Variants in RUBCN observed in about 807,000 individuals in gnomAD.
RUBCN encodes rubicon autophagy regulator.
Under a neutral mutation model 113.2 loss-of-function variants are expected in RUBCN, and 74 were observed. That is an observed-to-expected ratio of 0.65 (90% CI 0.54 to 0.79). The LOEUF (loss-of-function observed/expected upper bound fraction) is 0.79, where lower values mean the gene tolerates loss of function less well. Ranked by LOEUF, RUBCN falls within the 30% of genes least tolerant of loss-of-function variation. The pLI, the probability that RUBCN is intolerant of heterozygous loss-of-function variation, is 0.00. For missense variants in RUBCN, 1,109 were observed against 1,251.7 expected, an observed-to-expected ratio of 0.89 and a Z score of 1.72; for synonymous variants, 480 against 490.0, an observed-to-expected ratio of 0.98 and a Z score of 0.27.
At chr3:197,721,572 A>T (rs983683823) in intron 1 of RUBCN, among the ~76,000 whole-genome samples, 9 of 151,486 alleles carry the variant, frequency 5.9e-5, no homozygotes, top group East Asian at 3.9e-4. Flanking sequence ...TTATATATAT[A>T]TTTTTTCATT....
chr3:197,698,607 G>C (rs1723270739), intron 7 of RUBCN, among the ~76,000 whole-genome samples: 1 of 151,998 alleles, frequency 6.6e-6, no homozygotes, highest in Non-Finnish European at 1.5e-5. Context: ...AACCAAACAT[G>C]CAAGTATATC....
chr3:197,745,901 G>A (rs1024708722), intron 1 of RUBCN, among the ~76,000 whole-genome samples: 27 of 152,044 alleles, frequency 1.8e-4, no homozygotes, highest in Non-Finnish European at 3.5e-4. Context: ...GCTGGGCGTG[G>A]TGCCATGCAC....
At chr3:197,682,396 G>A in intron 14 of RUBCN, 74 bp downstream of exon 14, 1 of 1,560,642 alleles carries the variant, frequency 6.4e-7, no homozygotes, top group East Asian at 2.3e-5. Flanking sequence ...AGGGACAAGT[G>A]GGTGAGACGA....
intron 2 of RUBCN, among the ~76,000 whole-genome samples, chr3:197,711,684 T>TA (rs945353534): frequency 1.5e-4 from 23 of 148,972 alleles, no homozygotes; most frequent in South Asian, 2.1e-4. Context: ...AATTTTTAAT[T>TA]AAAAAAAAAA....
rs756581383 is a variant in RUBCN, at chr3:197,684,140, TA to T, written c.1847+16del. ...TAAGGTTTTCTTTTCTTTTTTTTGG[TA>T]AAAAAAAGTACTCACAAGGACTGGG... is the stretch of plus-strand genomic sequence containing the variant. On this transcript the variant is annotated intron_variant, in intron 12 of 19. Transcript: ENST00000296343. 7.9e-5 allele frequency: 124 copies of T among 1,577,242 alleles called. No individual in the cohort carries two copies. The highest frequency in any genetic ancestry group is 2.1e-4 in the South Asian group (19 of 90,252).
At chr3:197,691,828 C>CT (rs1007398173) in intron 11 of RUBCN, among the ~76,000 whole-genome samples, 37 of 151,450 alleles carry the variant, frequency 2.4e-4, no homozygotes, top group African/African-American at 6.1e-4. Flanking sequence ...GACCCTCTTT[C>CT]TTTTTTTTTA....
rs756000396 is a variant in RUBCN, at chr3:197,701,791, T to C, written c.644A>G (p.Tyr215Cys). ...CTGAGCATAGCTGTTTGGAGGGGTG[T>C]ATGTGGAACTGGGCAGGGCTGTCAG... ...QSLTALPSST[Y>C]TPPNSYAQHS... Residue 215 changes from tyrosine to cysteine, a missense_variant, in exon 6 of 20, where the codon TAC becomes TGC. This residue lies in a region of RUBCN where 736 missense variants were observed against 779.6 expected (regional missense o/e 0.94). Transcript: ENST00000296343. 2 of 1,614,060 alleles carry C rather than the reference T, an allele frequency of 1.2e-6. No homozygotes were observed. The highest frequency in any genetic ancestry group is 1.7e-6 in the Non-Finnish European group (2 of 1,179,974).
Position 197,681,742 on chromosome 3 carries a change from C to T in RUBCN, c.2191+93G>A. 8.7e-7 allele frequency: 1 copy of T among 1,145,004 alleles called. No homozygotes were observed. Among genetic ancestry groups the T allele is most frequent in the Non-Finnish European group, 1.3e-6 (1 of 753,532 alleles). 70.9% of individuals were successfully genotyped at this position (1,145,004 alleles called of 1,614,324 possible). ...CTTCCCTACTTCTGCCACGCCACCT[C>T]CTGCTACCGCCTTTGACACGCCACC... On this transcript the variant is annotated intron_variant, in intron 15 of 19. Coordinates refer to ENST00000296343, the MANE Select transcript of RUBCN (RefSeq NM_014687.4). This position sits in a 1 kb window ranked among gnomAD's most constrained non-coding sequence, Gnocchi z 5.5.
intron 11 of RUBCN, among the ~76,000 whole-genome samples, 191 bp from the exon 12 acceptor site, chr3:197,684,408 C>A (rs575091207): frequency 6.6e-6 from 1 of 152,138 alleles, no homozygotes; most frequent in Admixed American, 6.5e-5. Flanking sequence ...CAAAACCAGG[C>A]TGAATTAGTA....
At chr3:197,692,584 T>G (rs1722543121) in intron 11 of RUBCN, among the ~76,000 whole-genome samples, 1 of 152,004 alleles carries the variant, frequency 6.6e-6, no homozygotes. Flanking sequence ...GTAGTTAGTG[T>G]CAGAGCTAAA....
At chr3:197,721,022 AT>A (rs1726101517) in intron 1 of RUBCN, among the ~76,000 whole-genome samples, 1 of 151,584 alleles carries the variant, frequency 6.6e-6, no homozygotes, top group Non-Finnish European at 1.5e-5. Flanking sequence ...GTTTGCTAGT[AT>A]TTTGTGAAGG....
Position 197,736,876 on chromosome 3 carries a change from G to A in RUBCN, c.-157C>T. On this transcript the variant is annotated 5_prime_UTR_variant, in exon 1 of 20. Transcript: ENST00000296343. ...GGCGGCGACAGCGGGAGGGACCGCC[G>A]CCTGGGCTGCGGCTTCTATCCCGGC... 2 of 1,373,912 alleles carry A rather than the reference G, an allele frequency of 1.5e-6. No homozygotes were observed. The highest frequency in any genetic ancestry group is 1.7e-5 in the South Asian group (1 of 59,880). 85.1% of individuals were successfully genotyped at this position (1,373,912 alleles called of 1,614,324 possible). A position where few individuals can be genotyped will look rare whatever the true frequency, so the allele number is the denominator to read the frequency against.
chr3:197,733,836 A>AAG (rs1727796352), intron 1 of RUBCN, among the ~76,000 whole-genome samples: 1 of 152,248 alleles, frequency 6.6e-6, no homozygotes, highest in Non-Finnish European at 1.5e-5. Context: ...ACGGGAAAAG[A>AAG]TTCTGCAAAG....
chr3:197,682,110 C>A (rs893381729), intron 14 of RUBCN, among the ~76,000 whole-genome samples: 3 of 152,018 alleles, frequency 2.0e-5, no homozygotes, highest in African/African-American at 7.3e-5. Context: ...CAGTAAGGAA[C>A]CACACATTCT....
chr3:197,691,171 G>T, intron 11 of RUBCN: 1 of 1,176,294 alleles, frequency 8.5e-7, no homozygotes, highest in Non-Finnish European at 1.1e-6. Flanking sequence ...GATGATAAAA[G>T]GGGGCCCTTA....
chr3:197,707,084 C>T (rs947150246), intron 2 of RUBCN, among the ~76,000 whole-genome samples: 2 of 144,084 alleles, frequency 1.4e-5, no homozygotes, highest in Non-Finnish European at 2.9e-5. Flanking sequence ...TGGCTCACGC[C>T]TGTAATCCCA....
At chr3:197,677,918 A>G (rs1429902291) in intron 16 of RUBCN, among the ~76,000 whole-genome samples, 1 of 146,490 alleles carries the variant, frequency 6.8e-6, no homozygotes, top group Non-Finnish European at 1.5e-5. Flanking sequence ...CCACACTCTG[A>G]CTGACAACTG....
intron 18 of RUBCN, chr3:197,676,306 T>A (rs1255921128): frequency 1.0e-6 from 1 of 994,790 alleles, no homozygotes; most frequent in Non-Finnish European, 1.2e-6. Context: ...AATCCAGAGC[T>A]CTCCTCTCAC....
chr3:197,732,941 C>T (rs930464200), intron 1 of RUBCN, among the ~76,000 whole-genome samples: 19 of 152,184 alleles, frequency 1.2e-4, no homozygotes, highest in Non-Finnish European at 2.4e-4. Context: ...CTACTTCCTA[C>T]GTATCAGGCT....
Sources: gnomAD v4.1 joint callset for allele counts (sites outside exome capture counted in the v4.1 genomes callset) on GRCh38, gnomAD v4.1.1 for gene constraint, gnomAD v4.1.1 regional missense constraint, Gnocchi (gnomAD v3.1) non-coding constraint, MANE v1.5 for transcripts, NCBI Gene and HGNC (gene_info 2026-07-23, HGNC 2026-07-21) for gene names.